Variants in SLC25A48 observed in about 807,000 individuals in gnomAD.
The protein encoded by SLC25A48 is solute carrier family 25 member 48, also known as CTC-321K16.1.
Under a neutral mutation model 32.2 loss-of-function variants are expected in SLC25A48, and 29 were observed. That is an observed-to-expected ratio of 0.90 (90% CI 0.67 to 1.23). The LOEUF (loss-of-function observed/expected upper bound fraction) is 1.23, where lower values mean the gene tolerates loss of function less well. Among genes scored for constraint, SLC25A48 ranks in the 50% most tolerant of loss-of-function variants. The pLI is 0.00. For missense variants in SLC25A48, 399 were observed against 422.7 expected, an observed-to-expected ratio of 0.94 and a Z score of 0.49; for synonymous variants, 164 against 172.3, an observed-to-expected ratio of 0.95 and a Z score of 0.38.
intron 7 of SLC25A48, among the ~76,000 whole-genome samples, chr5:135,880,779 G>A (rs978953115): frequency 8.5e-5 from 13 of 152,100 alleles, no homozygotes; most frequent in African/African-American, 3.1e-4. Flanking sequence ...CTAGGTCTTT[G>A]CTCAGGCTGT....
chr5:135,607,392 T>C (rs761396066), intron 1 of SLC25A48, among the ~76,000 whole-genome samples: 10 of 152,194 alleles, frequency 6.6e-5, no homozygotes, highest in African/African-American at 2.2e-4. Context: ...CATCTATCCA[T>C]GTGTGCACGC....
At chr5:135,675,700 A>G (rs1561785804) in intron 3 of SLC25A48, among the ~76,000 whole-genome samples, 1 of 151,994 alleles carries the variant, frequency 6.6e-6, no homozygotes, top group Non-Finnish European at 1.5e-5. Context: ...TATCGGTTCC[A>G]TATGAATTTT....
At chr5:135,636,614 G>A (rs892964488) in intron 3 of SLC25A48, among the ~76,000 whole-genome samples, 1 of 152,186 alleles carries the variant, frequency 6.6e-6, no homozygotes, top group African/African-American at 2.4e-5. Flanking sequence ...ATCTGCTCAC[G>A]TTGCAGTGAC....
intron 6 of SLC25A48, chr5:135,876,408 C>T (rs1258804392): frequency 6.6e-6 from 1 of 152,104 alleles, no homozygotes; most frequent in Non-Finnish European, 1.5e-5. Flanking sequence ...TTCTTAATCT[C>T]GATAGCGTTT....
At chr5:135,857,978 T>G (rs766898841) in intron 4 of SLC25A48, among the ~76,000 whole-genome samples, 1 of 152,142 alleles carries the variant, frequency 6.6e-6, no homozygotes, top group Non-Finnish European at 1.5e-5. Context: ...CTCTGAGCAG[T>G]GAGAACACAG....
At chr5:135,791,860 G>A (rs111477201) in intron 3 of SLC25A48, among the ~76,000 whole-genome samples, 1 of 151,526 alleles carries the variant, frequency 6.6e-6, no homozygotes, top group African/African-American at 2.4e-5. Context: ...CAATTTTCTA[G>A]AGGTTTGTTA....
At chr5:135,877,876 C>A (rs1054415212) in intron 6 of SLC25A48, among the ~76,000 whole-genome samples, 1 of 152,126 alleles carries the variant, frequency 6.6e-6, no homozygotes, top group African/African-American at 2.4e-5. Flanking sequence ...GCACTCCAGG[C>A]AGAGGGGACC....
intron 1 of SLC25A48, among the ~76,000 whole-genome samples, chr5:135,614,240 G>T (rs1752137480): frequency 6.6e-6 from 1 of 152,028 alleles, no homozygotes; most frequent in Non-Finnish European, 1.5e-5. Flanking sequence ...TTCTTAGCTA[G>T]TTCCTTGAAA....
intron 3 of SLC25A48, among the ~76,000 whole-genome samples, chr5:135,715,076 C>T (rs1338677518): frequency 6.6e-6 from 1 of 152,116 alleles, no homozygotes; most frequent in African/African-American, 2.4e-5. Context: ...AGGCAGGAGA[C>T]AGGAGGCCTG....
chr5:135,809,081 C>T (rs560281825), intron 3 of SLC25A48, among the ~76,000 whole-genome samples: 8 of 151,810 alleles, frequency 5.3e-5, no homozygotes, highest in Non-Finnish European at 8.8e-5. Context: ...ACGGGAGGAT[C>T]GCTTGAGGCT....
chr5:135,656,760 A>G (rs1753260869), intron 3 of SLC25A48, among the ~76,000 whole-genome samples: 1 of 152,194 alleles, frequency 6.6e-6, no homozygotes, highest in African/African-American at 2.4e-5. Context: ...TAATAAAGGC[A>G]GAGATGGGAG....
chr5:135,645,854 A>G (rs1752945804), intron 3 of SLC25A48, among the ~76,000 whole-genome samples: 1 of 152,174 alleles, frequency 6.6e-6, no homozygotes, highest in Non-Finnish European at 1.5e-5. Context: ...AGAATGTAGA[A>G]CTTCTCCCTT....
chr5:135,878,806 G>T (rs148254416), intron 6 of SLC25A48, among the ~76,000 whole-genome samples: 1 of 152,148 alleles, frequency 6.6e-6, no homozygotes, highest in East Asian at 1.9e-4. Context: ...AGTCATTTAC[G>T]TTTGTGTGGG....
intron 3 of SLC25A48, among the ~76,000 whole-genome samples, chr5:135,733,737 A>G (rs1198193737): frequency 6.6e-6 from 1 of 152,164 alleles, no homozygotes; most frequent in Non-Finnish European, 1.5e-5. Flanking sequence ...GCTGTGTGTA[A>G]TGAAAAGGTT....
intron 3 of SLC25A48, among the ~76,000 whole-genome samples, chr5:135,695,638 C>T (rs1442081528): frequency 6.6e-6 from 1 of 152,176 alleles, no homozygotes; most frequent in East Asian, 1.9e-4. Context: ...TCTGGCCAGC[C>T]CCCACCTCGG....
At chr5:135,873,669 T>C (rs1761836568) in intron 5 of SLC25A48, among the ~76,000 whole-genome samples, 1 of 152,154 alleles carries the variant, frequency 6.6e-6, no homozygotes, top group Admixed American at 6.5e-5. Flanking sequence ...CTTTCTCCAA[T>C]AAAAACTGCT....
At chr5:135,592,772 T>C (rs548123191) in intron 1 of SLC25A48, among the ~76,000 whole-genome samples, 8 of 152,188 alleles carry the variant, frequency 5.3e-5, no homozygotes, top group African/African-American at 1.9e-4. Flanking sequence ...CTGGGAACTT[T>C]GGGGAGAGCT....
intron 3 of SLC25A48, among the ~76,000 whole-genome samples, chr5:135,673,291 C>T (rs1753697403): frequency 1.3e-5 from 2 of 152,140 alleles, no homozygotes; most frequent in South Asian, 4.1e-4. Flanking sequence ...GCTTAACTTT[C>T]CAAATATATG....
intron 3 of SLC25A48, among the ~76,000 whole-genome samples, chr5:135,703,006 CTCA>C (rs1405299553): frequency 1.3e-5 from 2 of 152,104 alleles, no homozygotes; most frequent in African/African-American, 4.8e-5. Flanking sequence ...CCTTTGCACT[CTCA>C]TCAGCGCTGG....
Sources: gnomAD v4.1 joint callset for allele counts (sites outside exome capture counted in the v4.1 genomes callset) on GRCh38, gnomAD v4.1.1 for gene constraint, MANE v1.5 for transcripts, NCBI Gene and HGNC (gene_info 2026-07-23, HGNC 2026-07-21) for gene names.